The following PLCE1 variants were observed in gnomAD, a reference collection of about 807,000 sequenced individuals.
PLCE1 encodes 1-phosphatidylinositol 4,5-bisphosphate phosphodiesterase epsilon-1.
PLCE1 carries 119 observed loss-of-function variants against 242.8 expected under a neutral mutation model. That is an observed-to-expected ratio of 0.49 (90% CI 0.42 to 0.57). The LOEUF is 0.57. Ranked by LOEUF, PLCE1 falls within the 20% of genes least tolerant of loss-of-function variation. PLCE1 has a pLI of 0.00. For synonymous variants in PLCE1, 945 were observed against 1,017.4 expected (o/e 0.93, Z 1.35); for missense variants, 2,441 against 2,788.8 (o/e 0.88, Z 2.81).
At chr10:94,305,215 C>T (rs753240117) in intron 25 of PLCE1, among the ~76,000 whole-genome samples, 6 of 151,992 alleles carry the variant, frequency 3.9e-5, no homozygotes, top group East Asian at 1.9e-4. Context: ...GATCGCTTTG[C>T]GCTCAAGAGT....
rs2054156154 is a variant in PLCE1, at chr10:94,331,573, G to T, written c.*3630G>T. 6.6e-6 allele frequency: 1 copy of T among 152,194 alleles called. No individual in the cohort carries two copies. The highest frequency in any genetic ancestry group is 1.5e-5 in the Non-Finnish European group (1 of 68,052). 9.4% of individuals were successfully genotyped at this position (152,194 alleles called of 1,614,324 possible). On this transcript the variant is annotated 3_prime_UTR_variant, in exon 33 of 33. Coordinates refer to ENST00000371380, the MANE Select transcript of PLCE1 (RefSeq NM_016341.4). ...CAGCCTGCAGGGAAAGTGCTCTCAT[G>T]GTGAAAGTCTCTGACCCCTTTTCAG...
At chr10:94,054,069 T>C (rs1348341675) in intron 2 of PLCE1, among the ~76,000 whole-genome samples, 1 of 152,116 alleles carries the variant, frequency 6.6e-6, no homozygotes, top group Non-Finnish European at 1.5e-5. Flanking sequence ...ATTAAGGAAG[T>C]GAGTCTTCCT....
chr10:94,077,057 C>T (rs1269534592), intron 2 of PLCE1, among the ~76,000 whole-genome samples: 1 of 152,214 alleles, frequency 6.6e-6, no homozygotes, highest in Non-Finnish European at 1.5e-5. Flanking sequence ...TTTTCTATAA[C>T]ATAAACAATT....
At chr10:94,007,903 C>T (rs2061077409) in intron 1 of PLCE1, among the ~76,000 whole-genome samples, 1 of 151,016 alleles carries the variant, frequency 6.6e-6, no homozygotes. Flanking sequence ...TATGGCCAGG[C>T]ATGGTGGCTT....
chr10:94,147,276 G>T (rs751456654), intron 3 of PLCE1, among the ~76,000 whole-genome samples: 16 of 152,074 alleles, frequency 1.1e-4, no homozygotes, highest in Non-Finnish European at 1.8e-4. Flanking sequence ...ACAAAAATCA[G>T]CCAGGTATGG....
intron 3 of PLCE1, chr10:94,138,083 T>C: frequency 2.8e-6 from 1 of 357,306 alleles, no homozygotes. Context: ...TGTGGGCGGC[T>C]CTGTGGCAAG....
chr10:94,031,096 G>T lies in PLCE1; in HGVS notation c.50G>T (p.Arg17Ile). ...TASVLIPVTQ[R>I]KVVSAQSAAD... ...TCTGTTCTCATACCTGTGACTCAGA[G>T]AAAAGTGGTTTCTGCCCAGTCGGCT... The change falls in exon 2 of 33, where the codon AGA (arginine) becomes ATA (isoleucine). Residue 17 changes from arginine (R) to isoleucine (I), a missense_variant. Transcript: ENST00000371380. 1 of 1,613,780 alleles carries T rather than the reference G, an allele frequency of 6.2e-7. No homozygotes were observed. The highest frequency in any genetic ancestry group is 2.2e-5 in the East Asian group (1 of 44,858).
rs1239790300 is a variant in PLCE1, at chr10:94,332,421, AAC to A, written c.*4484_*4485del. Reference sequence around the variant, plus strand: ...ACTCTTAAGTGCCAGCATAGTGCTAAACACACAGTAGGTGCTCATTATTTGTC... The same window carrying A: ...ACTCTTAAGTGCCAGCATAGTGCTAAACACAGTAGGTGCTCATTATTTGTC... On this transcript the variant is annotated 3_prime_UTR_variant, in exon 33 of 33. Transcript: ENST00000371380. The A allele has an allele frequency of 6.6e-6, 1 of 152,064 alleles. No homozygotes were observed. Among genetic ancestry groups the A allele is most frequent in the African/African-American group, 2.4e-5 (1 of 41,386 alleles). The allele number at this position is 152,064 out of a possible 1,614,324, so 9.4% of individuals were successfully genotyped here. A position where few individuals can be genotyped will look rare whatever the true frequency, so the allele number is the denominator to read the frequency against.
chr10:94,063,252 G>A (rs2044109521), intron 2 of PLCE1, among the ~76,000 whole-genome samples: 1 of 152,184 alleles, frequency 6.6e-6, no homozygotes, highest in Admixed American at 6.5e-5. Flanking sequence ...GTATTCCCAT[G>A]TGGAAGTCCC....
chr10:94,123,809 A>G (rs562557966), intron 2 of PLCE1, among the ~76,000 whole-genome samples: 4 of 152,346 alleles, frequency 2.6e-5, no homozygotes, highest in Admixed American at 6.5e-5. Flanking sequence ...CTTACACTTC[A>G]TGCTGTGAGA....
intron 4 of PLCE1, among the ~76,000 whole-genome samples, chr10:94,180,628 C>T (rs943716822): frequency 1.3e-5 from 2 of 152,232 alleles, no homozygotes; most frequent in Admixed American, 1.3e-4. Flanking sequence ...ATGAAACCCA[C>T]ACCCTTAGCG....
intron 13 of PLCE1, among the ~76,000 whole-genome samples, chr10:94,260,422 T>G (rs575208134): frequency 6.6e-6 from 1 of 152,324 alleles, no homozygotes; most frequent in South Asian, 2.1e-4. Context: ...TCCTGGAAAC[T>G]ATAAACACAA....
chr10:94,015,699 A>T (rs191863413), intron 1 of PLCE1, among the ~76,000 whole-genome samples: 3 of 152,184 alleles, frequency 2.0e-5, no homozygotes, highest in Admixed American at 1.3e-4. Context: ...GATAAACAGG[A>T]CTCAGAAATG....
intron 18 of PLCE1, among the ~76,000 whole-genome samples, chr10:94,272,879 C>T (rs2051798580): frequency 6.6e-6 from 1 of 152,054 alleles, no homozygotes; most frequent in African/African-American, 2.4e-5. Flanking sequence ...TTGTCCTGGC[C>T]TAAGCTTTGA....
intron 4 of PLCE1, among the ~76,000 whole-genome samples, chr10:94,203,084 A>G (rs1209891131): frequency 1.3e-5 from 2 of 152,226 alleles, no homozygotes; most frequent in East Asian, 3.9e-4. Context: ...AATATCCTGC[A>G]TGCTCCTTAG....
chr10:94,177,711 T>A (rs926941965), intron 4 of PLCE1, among the ~76,000 whole-genome samples: 5 of 152,200 alleles, frequency 3.3e-5, no homozygotes, highest in Non-Finnish European at 7.3e-5. Context: ...TAGCCCACAT[T>A]CCTTATGACC....
At chr10:94,203,631 T>C (rs1221427543) in intron 4 of PLCE1, among the ~76,000 whole-genome samples, 6 of 152,192 alleles carry the variant, frequency 3.9e-5, no homozygotes, top group Non-Finnish European at 5.9e-5. Flanking sequence ...TAATTATATC[T>C]GAATTCCTGA....
At chr10:94,128,119 C>T (rs2046488893) in intron 2 of PLCE1, among the ~76,000 whole-genome samples, 1 of 151,826 alleles carries the variant, frequency 6.6e-6, no homozygotes, top group Admixed American at 6.6e-5. Flanking sequence ...TCCCGAGTAG[C>T]TGGGATTACA....
At chr10:94,287,325 T>C (rs2133372359) in intron 22 of PLCE1, 1 of 152,334 alleles carries the variant, frequency 6.6e-6, no homozygotes, top group South Asian at 2.1e-4. Context: ...ATATTTCTTT[T>C]TACAATCATT....
Sources: allele counts gnomAD v4.1 joint callset (sites outside exome capture counted in the v4.1 genomes callset), GRCh38; gene constraint gnomAD v4.1.1; transcripts MANE v1.5; gene names NCBI Gene and HGNC (gene_info 2026-07-23, HGNC 2026-07-21).